CTNNA3: variants seen among roughly 807,000 people sequenced by gnomAD.
The protein encoded by CTNNA3 is catenin alpha-3.
CTNNA3 carries 76 observed loss-of-function variants against 95.7 expected under a neutral mutation model. That is an observed-to-expected ratio of 0.79 (90% CI 0.66 to 0.96). The LOEUF is 0.96. Ranked by LOEUF, CTNNA3 falls within the 40% of genes least tolerant of loss-of-function variation. The probability of loss-of-function intolerance (pLI) is 0.00; values close to 1 mark genes in which losing one functional copy is unlikely to be tolerated. For missense variants in CTNNA3, 1,191 were observed against 1,089.8 expected (o/e 1.09, Z -1.31); for synonymous variants, 431 against 374.4 (o/e 1.15, Z -1.74).
At chr10:66,988,713 G>C (rs10733833) in intron 7 of CTNNA3, among the ~76,000 whole-genome samples, 71,344 of 151,856 alleles carry the variant, frequency 0.47, 17,281 homozygotes, top group African/African-American at 0.55. Flanking sequence ...GGTCACCTCT[G>C]AATACTAGGA....
chr10:66,540,978 T>G (rs1322645022), intron 10 of CTNNA3, among the ~76,000 whole-genome samples: 2 of 151,810 alleles, frequency 1.3e-5, no homozygotes, highest in African/African-American at 4.8e-5. Context: ...ATAAAAAAAG[T>G]CAAAGTATAG....
chr10:66,331,432 C>A (rs1330092922), intron 12 of CTNNA3, among the ~76,000 whole-genome samples: 2 of 133,646 alleles, frequency 1.5e-5, no homozygotes, highest in Non-Finnish European at 3.1e-5. Flanking sequence ...CGACTCACTG[C>A]AAGCTCCGCC....
At chr10:65,950,111 T>C (rs2077584653) in intron 17 of CTNNA3, among the ~76,000 whole-genome samples, 2 of 152,084 alleles carry the variant, frequency 1.3e-5, no homozygotes, top group African/African-American at 4.8e-5. Context: ...ATTCAGACAT[T>C]AGTAATCAAA....
chr10:66,012,558 A>G (rs530134574), intron 15 of CTNNA3, among the ~76,000 whole-genome samples: 44 of 152,214 alleles, frequency 2.9e-4, no homozygotes, highest in Non-Finnish European at 4.9e-4. Flanking sequence ...ACAACTGCAT[A>G]AAAAATACAT....
At chr10:66,396,800 C>T (rs537168483) in intron 11 of CTNNA3, among the ~76,000 whole-genome samples, 2 of 151,822 alleles carry the variant, frequency 1.3e-5, no homozygotes, top group Non-Finnish European at 2.9e-5. Context: ...CATAAGTTTA[C>T]AGATTCATGT....
intron 7 of CTNNA3, among the ~76,000 whole-genome samples, chr10:67,107,793 G>A (rs1858726193): frequency 6.6e-6 from 1 of 152,116 alleles, no homozygotes; most frequent in Non-Finnish European, 1.5e-5. Context: ...CACTGGGAAG[G>A]TGCACTCGGG....
At chr10:66,445,534 C>G (rs1177798941) in intron 11 of CTNNA3, among the ~76,000 whole-genome samples, 1 of 152,062 alleles carries the variant, frequency 6.6e-6, no homozygotes, top group Non-Finnish European at 1.5e-5. Flanking sequence ...CAAAACTGCT[C>G]AACTACATGG....
intron 3 of CTNNA3, among the ~76,000 whole-genome samples, chr10:67,594,019 G>A (rs1283721550): frequency 1.3e-5 from 2 of 152,050 alleles, no homozygotes; most frequent in East Asian, 3.9e-4. Context: ...AGATGATCGT[G>A]TGTTGTCTTT....
At chr10:66,903,251 A>C (rs1564754419) in intron 7 of CTNNA3, among the ~76,000 whole-genome samples, 1 of 152,216 alleles carries the variant, frequency 6.6e-6, no homozygotes, top group Non-Finnish European at 1.5e-5. Flanking sequence ...ATAATCCATC[A>C]CATAAACAGA....
chr10:67,267,730 A>G (rs1866887250), intron 5 of CTNNA3, among the ~76,000 whole-genome samples: 1 of 152,228 alleles, frequency 6.6e-6, no homozygotes. Context: ...TATAAATACT[A>G]GAAGAAACAA....
chr10:67,451,779 C>A (rs562754460), intron 5 of CTNNA3, among the ~76,000 whole-genome samples: 1 of 152,250 alleles, frequency 6.6e-6, no homozygotes, highest in African/African-American at 2.4e-5. Context: ...CTATGCCCTG[C>A]CTTATGGAAG....
At chr10:67,082,555 C>CAAATTCTCA (rs1470443002) in intron 7 of CTNNA3, among the ~76,000 whole-genome samples, 1 of 152,066 alleles carries the variant, frequency 6.6e-6, no homozygotes, top group Non-Finnish European at 1.5e-5. Flanking sequence ...TCTTTCCTAC[C>CAAATTCTCA]AAATTCTCAA....
At chr10:67,693,804 C>G (rs1840913829) in intron 1 of CTNNA3, among the ~76,000 whole-genome samples, 1 of 152,128 alleles carries the variant, frequency 6.6e-6, no homozygotes, top group Admixed American at 6.6e-5. Context: ...TCCTTCTACT[C>G]TATTTACACA....
At chr10:66,551,896 CTTTTTTTTTTT>C (rs141885331) in intron 10 of CTNNA3, among the ~76,000 whole-genome samples, 2 of 113,964 alleles carry the variant, frequency 1.8e-5, no homozygotes, top group African/African-American at 6.4e-5. Context: ...TTTTCTTTTC[CTTTTTTTTTTT>C]TTTTTTTTTT....
chr10:67,030,996 C>A (rs937962494), intron 7 of CTNNA3, among the ~76,000 whole-genome samples: 1 of 152,054 alleles, frequency 6.6e-6, no homozygotes, highest in Non-Finnish European at 1.5e-5. Flanking sequence ...AAGAGCGAAA[C>A]TCCGTCTCAA....
At chr10:66,382,494 G>A (rs1019760443) in intron 11 of CTNNA3, among the ~76,000 whole-genome samples, 1 of 152,160 alleles carries the variant, frequency 6.6e-6, no homozygotes, top group Non-Finnish European at 1.5e-5. Flanking sequence ...CATCTCTTGG[G>A]CAGGGCACAG....
At chr10:67,434,072 T>C (rs1846216648) in intron 5 of CTNNA3, among the ~76,000 whole-genome samples, 1 of 152,076 alleles carries the variant, frequency 6.6e-6, no homozygotes, top group African/African-American at 2.4e-5. Context: ...CACATATTAG[T>C]CTTTCTTGTC....
At chr10:66,964,136 C>A (rs1718171321) in intron 7 of CTNNA3, among the ~76,000 whole-genome samples, 1 of 152,088 alleles carries the variant, frequency 6.6e-6, no homozygotes, top group South Asian at 2.1e-4. Context: ...AGGTGTGAGC[C>A]ACCGCACCCA....
chr10:67,594,931 C>T (rs1044665629), intron 3 of CTNNA3, among the ~76,000 whole-genome samples: 4 of 151,974 alleles, frequency 2.6e-5, no homozygotes, highest in Non-Finnish European at 4.4e-5. Context: ...CATTCTTATG[C>T]CTTTGCATCA....
Sources: gnomAD v4.1 joint callset for allele counts (sites outside exome capture counted in the v4.1 genomes callset) on GRCh38, gnomAD v4.1.1 for gene constraint, MANE v1.5 for transcripts, NCBI Gene and HGNC (gene_info 2026-07-23, HGNC 2026-07-21) for gene names.